The following OR1B1 variants were observed in gnomAD, a reference collection of about 807,000 sequenced individuals.
OR1B1 encodes the protein olfactory receptor 1B1.
For synonymous variants in OR1B1, 168 were observed against 156.2 expected, an observed-to-expected ratio of 1.08 and a Z score of -0.57; for missense variants, 414 against 402.1, an observed-to-expected ratio of 1.03 and a Z score of -0.25.
chr9:122,645,966 T>C, the OR1B1 span, among the ~76,000 whole-genome samples: 3 of 152,090 alleles, frequency 2.0e-5, no homozygotes, highest in East Asian at 5.8e-4. Flanking sequence ...CCATCAAAAA[T>C]AATAACAACA....
At chr9:122,639,467 T>C in the OR1B1 span, 1 of 152,068 alleles carries the variant, frequency 6.6e-6, no homozygotes, top group Non-Finnish European at 1.5e-5. Flanking sequence ...CTCTGTGATA[T>C]ATATTTGGGT....
At chr9:122,633,459 T>C (rs1462891689), upstream of OR1B1, among the ~76,000 whole-genome samples, 1 of 151,922 alleles carries the variant, frequency 6.6e-6, no homozygotes, top group Non-Finnish European at 1.5e-5. Flanking sequence ...TGAGACTACA[T>C]CAAACTAAAA....
chr9:122,647,705 T>A, the OR1B1 span, among the ~76,000 whole-genome samples: 1 of 152,186 alleles, frequency 6.6e-6, no homozygotes, highest in Non-Finnish European at 1.5e-5. Flanking sequence ...GTTGCTACGA[T>A]GCACTGTGTG....
At chr9:122,653,644 A>G in the OR1B1 span, among the ~76,000 whole-genome samples, 2 of 152,044 alleles carry the variant, frequency 1.3e-5, no homozygotes, top group Non-Finnish European at 2.9e-5. Flanking sequence ...TTAAACACCC[A>G]CCATAGCACT....
chr9:122,641,054 A>T, the OR1B1 span, among the ~76,000 whole-genome samples: 1 of 152,214 alleles, frequency 6.6e-6, no homozygotes, highest in Non-Finnish European at 1.5e-5. Flanking sequence ...AGTTGGTCCC[A>T]TTTCAGACTT....
exon 1 of OR1B1, chr9:122,629,177 A>G: frequency 6.2e-7 from 1 of 1,614,118 alleles, no homozygotes. Flanking sequence ...ATCCAGAGCC[A>G]TGACAGCAAT....
the OR1B1 span, among the ~76,000 whole-genome samples, chr9:122,656,264 A>G: frequency 6.6e-6 from 1 of 152,186 alleles, no homozygotes; most frequent in Non-Finnish European, 1.5e-5. Flanking sequence ...TTGATTTCAG[A>G]TATTATACAT....
At chr9:122,640,136 C>A in the OR1B1 span, among the ~76,000 whole-genome samples, 4 of 152,234 alleles carry the variant, frequency 2.6e-5, no homozygotes, top group South Asian at 8.3e-4. Context: ...ATCATGGCTT[C>A]TCCCAACCCT....
At chr9:122,648,685 A>G in the OR1B1 span, among the ~76,000 whole-genome samples, 3 of 152,198 alleles carry the variant, frequency 2.0e-5, no homozygotes, top group Non-Finnish European at 4.4e-5. Flanking sequence ...TAGAAATACA[A>G]CTTACAAGGG....
chr9:122,637,925 G>A, the OR1B1 span, among the ~76,000 whole-genome samples: 1 of 152,146 alleles, frequency 6.6e-6, no homozygotes, highest in Non-Finnish European at 1.5e-5. Context: ...TGAAGAATAG[G>A]TAATTCAGTT....
At chr9:122,634,250 C>T (rs997646572), upstream of OR1B1, among the ~76,000 whole-genome samples, 2 of 151,014 alleles carry the variant, frequency 1.3e-5, no homozygotes, top group Admixed American at 6.6e-5. Flanking sequence ...GCAGGAGAAT[C>T]GCTTGAACCC....
chr9:122,632,159 G>A (rs904883230), upstream of OR1B1, among the ~76,000 whole-genome samples: 1 of 152,034 alleles, frequency 6.6e-6, no homozygotes, highest in Non-Finnish European at 1.5e-5. Context: ...TCATTATGAA[G>A]ATACTCATCA....
chr9:122,644,564 A>G, the OR1B1 span, among the ~76,000 whole-genome samples: 340 of 152,298 alleles, frequency 2.2e-3, no homozygotes, highest in African/African-American at 7.8e-3. Flanking sequence ...CCTTGGCACA[A>G]TCCCAGTGGT....
chr9:122,656,107 T>C, the OR1B1 span, among the ~76,000 whole-genome samples: 2 of 152,194 alleles, frequency 1.3e-5, no homozygotes, highest in African/African-American at 4.8e-5. Context: ...ATGCCTGAAA[T>C]GTACTCTGTG....
At chr9:122,650,693 A>AT in the OR1B1 span, among the ~76,000 whole-genome samples, 1 of 152,118 alleles carries the variant, frequency 6.6e-6, no homozygotes, top group African/African-American at 2.4e-5. Flanking sequence ...ATATCACCTA[A>AT]TTTTAAGGTT....
chr9:122,629,159 A>C lies in OR1B1; in HGVS notation c.377T>G (p.Val126Gly), dbSNP rs770678048. The C allele has an allele frequency of 6.2e-6, 10 of 1,614,086 alleles. No individual in the cohort carries two copies. The East Asian group carries it at 2.2e-4, about 36-fold the overall frequency. ...ATAGTGCAGGGGGTCACAGATGGCC[A>C]CATAGCGATCCAGAGCCATGACAGC... Residue 126 changes from valine to glycine, a missense_variant, in exon 1 of 1, where the codon GTG becomes GGG. Transcript: ENST00000623530.
chr9:122,634,548 A>G (rs184620381), upstream of OR1B1, among the ~76,000 whole-genome samples: 98 of 152,058 alleles, frequency 6.4e-4, 1 homozygote, highest in Admixed American at 3.1e-3. Flanking sequence ...TGCAGGGGGA[A>G]CTGCCCCTTA....
At chr9:122,634,153 G>A (rs928478831), upstream of OR1B1, among the ~76,000 whole-genome samples, 2 of 151,626 alleles carry the variant, frequency 1.3e-5, no homozygotes, top group South Asian at 2.1e-4. Flanking sequence ...CCTGACCAAC[G>A]TGGAGAAACC....
At chr9:122,639,612 A>C in the OR1B1 span, 1 of 151,978 alleles carries the variant, frequency 6.6e-6, no homozygotes, top group South Asian at 2.1e-4. Flanking sequence ...CTCAACCATA[A>C]AGTGGACATG....
Sources: allele counts gnomAD v4.1 joint callset (sites outside exome capture counted in the v4.1 genomes callset), GRCh38; gene constraint gnomAD v4.1.1; transcripts MANE v1.5; gene names NCBI Gene and HGNC (gene_info 2026-07-23, HGNC 2026-07-21).